PRH1: variants seen among roughly 807,000 people sequenced by gnomAD.
The protein encoded by PRH1 is proline rich protein HaeIII subfamily 1.
PRH1 carries 7 observed loss-of-function variants against 7.9 expected under a neutral mutation model. The ratio of observed to expected loss-of-function variants is 0.89; its 90% confidence interval spans 0.50 to 1.67. The LOEUF (loss-of-function observed/expected upper bound fraction) is 1.67, where lower values mean the gene tolerates loss of function less well. Ranked by LOEUF, PRH1 falls within the 40% of genes most tolerant of loss-of-function variation. The pLI, the probability that PRH1 is intolerant of heterozygous loss-of-function variation, is 0.00. For synonymous variants in PRH1, 45 were observed against 80.8 expected (o/e 0.56, Z 2.38); for missense variants, 109 against 223.6 (o/e 0.49, Z 3.27).
At chr12:11,030,236 T>C (rs28409955) in intron 1 of PRH1, among the ~76,000 whole-genome samples, 3 of 95,304 alleles carry the variant, frequency 3.1e-5, no homozygotes, top group African/African-American at 7.2e-5. Context: ...AACACACACA[T>C]ATATATATTT....
At chr12:11,123,506 T>C (rs1175251409) in intron 1 of PRH1, among the ~76,000 whole-genome samples, 1 of 151,726 alleles carries the variant, frequency 6.6e-6, no homozygotes, top group Admixed American at 6.6e-5. Context: ...CAAGACACTA[T>C]TGTTTTCTAC....
intron 1 of PRH1, chr12:11,166,229 G>C (rs1369394124): frequency 2.0e-5 from 3 of 152,264 alleles, no homozygotes; most frequent in African/African-American, 7.2e-5. Flanking sequence ...GGAGGGTCTT[G>C]ATATCATCAG....
At chr12:10,953,911 C>G (rs1937817007) in intron 2 of PRH1, among the ~76,000 whole-genome samples, 1 of 152,134 alleles carries the variant, frequency 6.6e-6, no homozygotes, top group South Asian at 2.1e-4. Context: ...TAACAGTGGA[C>G]CTGTTAGCAG....
chr12:10,946,150 C>T (rs535790120), intron 2 of PRH1, among the ~76,000 whole-genome samples: 1 of 152,270 alleles, frequency 6.6e-6, no homozygotes, highest in South Asian at 2.1e-4. Flanking sequence ...AACGTAAAGA[C>T]AGGCATAGGA....
intron 1 of PRH1, among the ~76,000 whole-genome samples, chr12:11,025,366 AT>A (rs1941856392): frequency 6.6e-6 from 1 of 152,268 alleles, no homozygotes; most frequent in African/African-American, 2.4e-5. Flanking sequence ...CATTGAAGAC[AT>A]GATTCCCATT....
At chr12:10,967,835 C>T (rs1266537885) in intron 2 of PRH1, among the ~76,000 whole-genome samples, 2 of 152,114 alleles carry the variant, frequency 1.3e-5, no homozygotes, top group Non-Finnish European at 2.9e-5. Context: ...GGCTCTTTGC[C>T]TTCAAACTGC....
intron 2 of PRH1, chr12:10,973,639 G>C (rs1938939880): frequency 1.3e-6 from 1 of 776,348 alleles, no homozygotes; most frequent in Non-Finnish European, 2.4e-6. Context: ...TGTGTTACTT[G>C]ATATGTAGAA....
rs767706122 is a variant in PRH1 at position 11,091,859 on chromosome 12, C to A, written n.124-44671G>T. The A allele has an allele frequency of 2.1e-6, 3 of 1,413,464 alleles. No homozygotes were observed. In the African/African-American group the frequency reaches 4.4e-5, roughly 21 times the overall value. The allele number at this position is 1,413,464 out of a possible 1,614,324, so 87.6% of individuals were successfully genotyped here. A position where few individuals can be genotyped will look rare whatever the true frequency, so the allele number is the denominator to read the frequency against. ...CATCACCAGAATGACACTCTTAACT[C>A]TCCTCTTTAAGTGAAGAAAAATAAA... On this transcript the variant is annotated intron_variant and non_coding_transcript_variant, in intron 1 of 4. Coordinates refer to the PRH1 transcript ENST00000541977.
At chr12:11,076,485 G>A (rs1247168750) in intron 1 of PRH1, among the ~76,000 whole-genome samples, 1 of 128,504 alleles carries the variant, frequency 7.8e-6, no homozygotes, top group African/African-American at 2.7e-5. Flanking sequence ...GGGAGACAAA[G>A]GAGAAAATTG....
At chr12:10,962,775 G>A (rs1051065056) in intron 2 of PRH1, among the ~76,000 whole-genome samples, 2 of 152,196 alleles carry the variant, frequency 1.3e-5, no homozygotes, top group Non-Finnish European at 1.5e-5. Context: ...GTTTTTTGTT[G>A]TTGTTGTTTT....
At chr12:10,991,850 C>T (rs7306372) in intron 1 of PRH1, among the ~76,000 whole-genome samples, 46,052 of 151,652 alleles carry the variant, frequency 0.3, 8,782 homozygotes, top group East Asian at 0.73. Context: ...GCAAATAAAC[C>T]AGGTTCAGTG....
rs570118471 is a variant in PRH1 at position 10,949,427 on chromosome 12, C to T, written c.-59+24228G>A. 1.4e-4 allele frequency among the ~76,000 whole-genome samples: 21 copies of T among 152,336 alleles called. No individual in the cohort carries two copies. In the South Asian group the frequency reaches 4.1e-3, roughly 30 times the overall value. The stretch of plus-strand genomic sequence containing the variant: ...CCAGTGGCAGAGAGGTTTTCAGTTG[C>T]TCCTGGAGGCTTTGTCCAAGATTAG... On this transcript the variant is annotated intron_variant, in intron 2 of 3. Transcript: ENST00000539853.
At chr12:11,118,806 A>C (rs897897885), downstream of PRH1, among the ~76,000 whole-genome samples, 1 of 152,104 alleles carries the variant, frequency 6.6e-6, no homozygotes, top group African/African-American at 2.4e-5. Context: ...CATCCTGGCC[A>C]ACATGGTGAA....
At chr12:11,041,180 C>CA (rs71434168) in intron 1 of PRH1, among the ~76,000 whole-genome samples, 64,409 of 142,074 alleles carry the variant, frequency 0.45, 14,719 homozygotes, top group Non-Finnish European at 0.52. Flanking sequence ...AAAAACAAAA[C>CA]AAAAAAAAAC....
chr12:11,108,306 G>A lies in PRH1; in HGVS notation n.124-61118C>T, dbSNP rs992049684. Among the ~76,000 whole-genome samples, 8 of 152,144 alleles carry A rather than the reference G, an allele frequency of 5.3e-5. No homozygotes were observed. In the East Asian group the frequency reaches 1.5e-3, roughly 29 times the overall value. Reference sequence around the variant, plus strand: ...ACTAATATAACACTGTAAATGTGGTGCATAAACATCACTTAAATAGAAAAA... The same window carrying A: ...ACTAATATAACACTGTAAATGTGGTACATAAACATCACTTAAATAGAAAAA... On this transcript the variant is annotated intron_variant and non_coding_transcript_variant, in intron 1 of 4. Coordinates refer to the PRH1 transcript ENST00000541977.
chr12:10,992,887 T>C (rs113591142), intron 1 of PRH1, among the ~76,000 whole-genome samples: 3 of 152,318 alleles, frequency 2.0e-5, no homozygotes, highest in African/African-American at 4.8e-5. Flanking sequence ...TTAAGGGACA[T>C]TACTGTAAGT....
At position 10,919,899 on chromosome 12, in the gene PRH1, T is replaced by G. The variant is rs867980403; in HGVS notation, c.-58-35624A>C. Among the ~76,000 whole-genome samples, 279 of 134,864 alleles carry G rather than the reference T, an allele frequency of 2.1e-3. 2 individuals carry two copies. The highest frequency in any genetic ancestry group is 6.5e-3 in the African/African-American group (259 of 40,128). The allele number at this position is 134,864 out of a possible 152,430, so 88.5% of individuals were successfully genotyped here. On this transcript the variant is annotated intron_variant, in intron 2 of 3. Transcript: ENST00000539853. ...TGTCTCAAAAAATATTAAAAAAATTTTTTTAATCTTTTTTTTTTTTTTCCT... is the reference window on the plus strand; with the variant it reads ...TGTCTCAAAAAATATTAAAAAAATTGTTTTAATCTTTTTTTTTTTTTTCCT...
intron 2 of PRH1, chr12:10,964,897 ACT>A (rs1938431289): frequency 1.7e-6 from 1 of 571,714 alleles, no homozygotes; most frequent in Non-Finnish European, 3.3e-6. Context: ...TTGTCCACAT[ACT>A]CTCATCCATG....
At chr12:11,130,896 G>A (rs922325806) in intron 1 of PRH1, among the ~76,000 whole-genome samples, 1 of 151,020 alleles carries the variant, frequency 6.6e-6, no homozygotes, top group African/African-American at 2.4e-5. Context: ...TGGAGGGTAT[G>A]AGCACGTCTC....
Sources: allele counts gnomAD v4.1 joint callset (sites outside exome capture counted in the v4.1 genomes callset), GRCh38; gene constraint gnomAD v4.1.1; transcripts MANE v1.5; gene names NCBI Gene and HGNC (gene_info 2026-07-23, HGNC 2026-07-21).